The following TBL1XR1 variants were observed in gnomAD, a reference collection of about 807,000 sequenced individuals.
TBL1XR1 encodes TBL1X/Y related 1, also known as F-box-like/WD repeat-containing protein TBL1XR1.
In TBL1XR1, 5 loss-of-function variants were observed where a neutral mutation model predicts 66.9. That is an observed-to-expected ratio of 0.07 (90% CI 0.04 to 0.16). The LOEUF is 0.16. TBL1XR1 is among the 10% of genes least tolerant of loss of function. The pLI is 1.00. For synonymous variants in TBL1XR1, 210 were observed against 206.0 expected (o/e 1.02, Z -0.17); for missense variants, 238 against 623.2 (o/e 0.38, Z 6.58).
intron 4 of TBL1XR1, among the ~76,000 whole-genome samples, chr3:177,052,556 G>A (rs980686691): frequency 2.6e-5 from 4 of 152,124 alleles, no homozygotes; most frequent in Non-Finnish European, 5.9e-5. Flanking sequence ...ACCCAACACA[G>A]ATACACTGTG....
intron 1 of TBL1XR1, among the ~76,000 whole-genome samples, chr3:177,195,918 C>T (rs928725438): frequency 6.6e-6 from 1 of 152,184 alleles, no homozygotes; most frequent in African/African-American, 2.4e-5. Context: ...TCCAAGATTT[C>T]AAGTAAACTC....
rs150097216 is a variant in TBL1XR1 at position 177,034,443 on chromosome 3, AATG to A, written c.1123-121_1123-119del. On this transcript the variant is annotated intron_variant, in intron 12 of 15. Coordinates refer to ENST00000457928, the MANE Select transcript of TBL1XR1 (RefSeq NM_024665.7). Reference sequence around the variant, plus strand: ...TCTAAAACATGAGTGATATAACCAGAATGATGATAGAATATTTACAAAGAAACT... The same window carrying A: ...TCTAAAACATGAGTGATATAACCAGAATGATAGAATATTTACAAAGAAACT... 2.3e-3 allele frequency: 1,386 copies of A among 596,256 alleles called. 24 individuals carry two copies. The African/African-American group carries it at 0.024, about 10-fold the overall frequency. 36.9% of individuals were successfully genotyped at this position (596,256 alleles called of 1,614,324 possible).
chr3:177,069,697 C>G lies in TBL1XR1; in HGVS notation c.-45-4675G>C, dbSNP rs892883904. On this transcript the variant is annotated intron_variant, in intron 2 of 15. Transcript: ENST00000457928. ...GAGGTTACAGTGAGCCGAGATCGCA[C>G]CACTGCAGTCCAGCCTGGGCAACAG... Among the ~76,000 whole-genome samples the G allele has an allele frequency of 3.3e-5, 5 of 151,166 alleles. No homozygotes were observed. The South Asian group carries it at 1.0e-3, about 32-fold the overall frequency.
At position 177,023,778 on chromosome 3, in the gene TBL1XR1, A is replaced by G. The variant is rs1712698868; in HGVS notation, c.*1720T>C. On this transcript the variant is annotated 3_prime_UTR_variant, in exon 16 of 16. Coordinates refer to ENST00000457928, the MANE Select transcript of TBL1XR1 (RefSeq NM_024665.7). ...TTAAATCAGTTTCTACTTAGAACACAGGTTAAAATTTTAGTACTAAAAGGC... is the reference window on the plus strand; with the variant it reads ...TTAAATCAGTTTCTACTTAGAACACGGGTTAAAATTTTAGTACTAAAAGGC... 1.3e-5 allele frequency: 2 copies of G among 152,552 alleles called. No homozygotes were observed. The highest frequency in any genetic ancestry group is 4.8e-5 in the African/African-American group (2 of 41,454). 9.4% of individuals were successfully genotyped at this position (152,552 alleles called of 1,614,324 possible). A position where few individuals can be genotyped will look rare whatever the true frequency, so the allele number is the denominator to read the frequency against.
chr3:177,106,753 G>C (rs990152701), intron 1 of TBL1XR1, among the ~76,000 whole-genome samples: 14 of 152,140 alleles, frequency 9.2e-5, no homozygotes, highest in African/African-American at 2.9e-4. Flanking sequence ...CGCTAACAGG[G>C]AAACAGCTTG....
intron 2 of TBL1XR1, chr3:177,079,466 A>G (rs944129128): frequency 1.3e-5 from 2 of 151,538 alleles, no homozygotes; most frequent in East Asian, 1.9e-4. Context: ...CTAGTATTAT[A>G]GCTGCTTAGA....
intron 2 of TBL1XR1, among the ~76,000 whole-genome samples, chr3:177,071,851 A>C (rs1164486866): frequency 6.6e-6 from 1 of 152,218 alleles, no homozygotes; most frequent in Non-Finnish European, 1.5e-5. Flanking sequence ...GAAATCCACC[A>C]TGAAAGTCTC....
chr3:177,173,877 T>C (rs1217211344), intron 1 of TBL1XR1, among the ~76,000 whole-genome samples: 1 of 152,202 alleles, frequency 6.6e-6, no homozygotes, highest in Non-Finnish European at 1.5e-5. Flanking sequence ...AGTTAATATT[T>C]TTAAATTATA....
intron 5 of TBL1XR1, among the ~76,000 whole-genome samples, chr3:177,051,003 C>T (rs769473118): frequency 5.3e-5 from 8 of 151,906 alleles, no homozygotes; most frequent in Non-Finnish European, 8.8e-5. Context: ...GATGTCAGAG[C>T]TCTATGGTTA....
intron 2 of TBL1XR1, among the ~76,000 whole-genome samples, chr3:177,082,739 TA>T (rs1442238074): frequency 0.031 from 356 of 11,416 alleles, 33 homozygotes; most frequent in African/African-American, 0.074. Context: ...AGATAGAGAT[TA>T]TATATATATA....
rs376341368 is a variant in TBL1XR1, at chr3:177,162,870, T to C, written c.-122+34251A>G. ...AAAGACACTAAAGTAATATCTTCAC[T>C]AGCAGATTATCAAAGAGCAAAACAT... On this transcript the variant is annotated intron_variant, in intron 1 of 15. Coordinates refer to ENST00000457928, the MANE Select transcript of TBL1XR1 (RefSeq NM_024665.7). Among the ~76,000 whole-genome samples the C allele has an allele frequency of 5.3e-5, 8 of 152,332 alleles. No individual in the cohort carries two copies. The East Asian group carries it at 9.6e-4, about 18-fold the overall frequency.
At chr3:177,087,562 T>C (rs968522083) in intron 2 of TBL1XR1, among the ~76,000 whole-genome samples, 2 of 152,140 alleles carry the variant, frequency 1.3e-5, no homozygotes, top group Non-Finnish European at 2.9e-5. Context: ...AATCAAAAGA[T>C]ATAACTAAAA....
intron 2 of TBL1XR1, among the ~76,000 whole-genome samples, chr3:177,089,104 TAAG>T (rs1369787149): frequency 3.3e-5 from 5 of 152,228 alleles, no homozygotes; most frequent in African/African-American, 1.2e-4. Flanking sequence ...TTCAGTTTTT[TAAG>T]AATAATCAAG....
upstream of TBL1XR1, among the ~76,000 whole-genome samples, chr3:177,198,229 G>A (rs1737180062): frequency 6.6e-6 from 1 of 152,214 alleles, no homozygotes; most frequent in Admixed American, 6.5e-5. Flanking sequence ...ACGCACACAA[G>A]AAAAGGTTTT....
At chr3:177,049,107 T>C (rs1716705341) in intron 7 of TBL1XR1, among the ~76,000 whole-genome samples, 2 of 152,324 alleles carry the variant, frequency 1.3e-5, no homozygotes, top group African/African-American at 4.8e-5. Flanking sequence ...TACCTAGCTA[T>C]GATTTCTGAA....
chr3:177,070,085 CAATT>C (rs1263208516), intron 2 of TBL1XR1, among the ~76,000 whole-genome samples: 2 of 152,156 alleles, frequency 1.3e-5, no homozygotes, highest in Non-Finnish European at 2.9e-5. Context: ...CTCATAATCT[CAATT>C]AAGCAATTTT....
intron 1 of TBL1XR1, among the ~76,000 whole-genome samples, chr3:177,174,836 C>T (rs1296330206): frequency 1.3e-5 from 2 of 152,176 alleles, no homozygotes; most frequent in East Asian, 3.8e-4. Flanking sequence ...AAGGTTGAAA[C>T]ATAATCCTGC....
At chr3:177,188,316 A>G (rs1735694639) in intron 1 of TBL1XR1, among the ~76,000 whole-genome samples, 1 of 152,078 alleles carries the variant, frequency 6.6e-6, no homozygotes, top group Admixed American at 6.6e-5. Context: ...TGGGAGGCCA[A>G]GGTGGGCAGA....
chr3:177,153,261 T>C (rs546079392), intron 1 of TBL1XR1, among the ~76,000 whole-genome samples: 15 of 152,166 alleles, frequency 9.9e-5, no homozygotes, highest in Non-Finnish European at 1.9e-4. Flanking sequence ...GTAGATAGAA[T>C]TTCTCACCAA....
Sources: allele counts gnomAD v4.1 joint callset (sites outside exome capture counted in the v4.1 genomes callset), GRCh38; gene constraint gnomAD v4.1.1; transcripts MANE v1.5; gene names NCBI Gene and HGNC (gene_info 2026-07-23, HGNC 2026-07-21).